BEST2: variants seen among roughly 807,000 people sequenced by gnomAD.
BEST2 encodes the protein bestrophin-2a.
Under a neutral mutation model 49.0 loss-of-function variants are expected in BEST2, and 36 were observed. That is an observed-to-expected ratio of 0.73 (90% CI 0.56 to 0.97). The LOEUF is 0.97. Ranked by LOEUF, BEST2 falls within the 50% of genes least tolerant of loss-of-function variation. BEST2 has a pLI of 0.00. For missense variants in BEST2, 672 were observed against 710.0 expected, an observed-to-expected ratio of 0.95 and a Z score of 0.61; for synonymous variants, 335 against 304.4, an observed-to-expected ratio of 1.10 and a Z score of -1.05.
intron 8 of BEST2, 61 bp from the exon 9 acceptor site, chr19:12,756,080 C>G: frequency 6.2e-7 from 1 of 1,608,600 alleles, no homozygotes; most frequent in Non-Finnish European, 8.5e-7. Flanking sequence ...CGAAGGGGTC[C>G]ACCCTGTGGT....
intron 3 of BEST2, 111 bp from the exon 4 acceptor site, chr19:12,754,441 G>A (rs1439199948): frequency 4.2e-6 from 4 of 943,398 alleles, no homozygotes; most frequent in South Asian, 3.7e-5. Flanking sequence ...TGGCCAGCAC[G>A]CTCGGGTTTC....
chr19:12,758,107 G>C lies in BEST2; in HGVS notation c.*30G>C, dbSNP rs753864797. The C allele has an allele frequency of 6.2e-7, 1 of 1,607,010 alleles. No individual in the cohort carries two copies. The highest frequency in any genetic ancestry group is 8.5e-7 in the Non-Finnish European group (1 of 1,177,888). ...TTAGAGCCCAGCCCCCTAAGGACAG[G>C]GAACCAGGTCCCTGCACGGCACCCA... is the stretch of plus-strand genomic sequence containing the variant. On this transcript the variant is annotated 3_prime_UTR_variant, in exon 10 of 10. Coordinates refer to ENST00000553030, the MANE Select transcript of BEST2 (RefSeq NM_017682.3).
chr19:12,755,382 C>T lies in BEST2; in HGVS notation c.640C>T (p.Leu214=). The part of the protein sequence containing the change: ...NSALKLLLEE[L]NVFRGKCGML... The stretch of plus-strand genomic sequence containing the variant: ...CATGACCTGTATCCACCCCCAGGAG[C>T]TGAATGTTTTTCGGGGCAAATGTGG... Residue 214 remains leucine, a synonymous_variant, in exon 6 of 10, where the codon CTG becomes TTG. Transcript: ENST00000553030. This position sits in a 1 kb window ranked among gnomAD's most constrained non-coding sequence, Gnocchi z 4.4. 1 of 1,614,128 alleles carries T rather than the reference C, an allele frequency of 6.2e-7. No individual in the cohort carries two copies. Among genetic ancestry groups the T allele is most frequent in the African/African-American group, 1.3e-5 (1 of 75,014 alleles).
At chr19:12,754,463 C>A in intron 3 of BEST2, 89 bp from the exon 4 acceptor site, 1 of 1,134,228 alleles carries the variant, frequency 8.8e-7, no homozygotes, top group Non-Finnish European at 1.2e-6. Context: ...CTGATGCAGA[C>A]CTTACGTTGC....
Position 12,752,392 on chromosome 19 carries a change from G to A in BEST2, c.-51-150G>A, listed in dbSNP as rs560153538. 27 of 534,896 alleles carry A rather than the reference G, an allele frequency of 5.0e-5. No homozygotes were observed. The East Asian group carries it at 7.6e-4, about 15-fold the overall frequency. The allele number at this position is 534,896 out of a possible 1,614,324, so 33.1% of individuals were successfully genotyped here. ...AGGGGACAGCCTGAGATGAAGGTCA[G>A]GGAGGGGCACTGGGGGCTGGACTAG... On this transcript the variant is annotated intron_variant, in intron 1 of 9. Coordinates refer to ENST00000553030, the MANE Select transcript of BEST2 (RefSeq NM_017682.3).
At position 12,755,183 on chromosome 19, in the gene BEST2, C is replaced by A; in HGVS notation, c.636+152C>A. 8.7e-7 allele frequency: 1 copy of A among 1,153,084 alleles called. No homozygotes were observed. The highest frequency in any genetic ancestry group is 1.6e-5 in the South Asian group (1 of 63,986). The allele number at this position is 1,153,084 out of a possible 1,614,324, so 71.4% of individuals were successfully genotyped here. A position where few individuals can be genotyped will look rare whatever the true frequency, so the allele number is the denominator to read the frequency against. ...TACCTCCATGGGGCTGATTCCAATG[C>A]CCTTGAGGGGCAGCTCCTGGGTGCA... On this transcript the variant is annotated intron_variant, in intron 5 of 9. Transcript: ENST00000553030. The surrounding 1 kb of genome is among the most constrained non-coding windows in gnomAD (Gnocchi z 4.4).
rs1247143680 is a variant in BEST2 at position 12,757,873 on chromosome 19, G to A, written c.1326G>A (p.Ala442=). The A allele has an allele frequency of 1.3e-6, 2 of 1,549,566 alleles. No homozygotes were observed. The highest frequency in any genetic ancestry group is 1.2e-5 in the South Asian group (1 of 84,142). The change falls in exon 10 of 10, where the codon GCG becomes GCA. Residue 442 remains alanine, a synonymous_variant. Transcript: ENST00000553030. ...SCSCAVVPEG[A]APECSCGDPL... ...CATGCGCGGTTGTCCCCGAAGGCGC[G>A]GCCCCGGAGTGCAGCTGCGGGGACC...
rs1325766511 is a variant in BEST2 at position 12,757,693 on chromosome 19, G to A, written c.1146G>A (p.Leu382=). Residue 382 remains leucine, a synonymous_variant, in exon 10 of 10, where the codon TTG becomes TTA. Coordinates refer to ENST00000553030, the MANE Select transcript of BEST2 (RefSeq NM_017682.3). ...TGCAGTTCCAGCGGCTGGACGGCTTGGATGGACCGATGGGAGAGGCGCCCG... is the reference window on the plus strand; with the variant it reads ...TGCAGTTCCAGCGGCTGGACGGCTTAGATGGACCGATGGGAGAGGCGCCCG... ...EDMQFQRLDG[L]DGPMGEAPGD... is the part of the protein sequence containing the mutation. 5 of 1,546,182 alleles carry A rather than the reference G, an allele frequency of 3.2e-6. No individual in the cohort carries two copies. Among genetic ancestry groups the A allele is most frequent in the Non-Finnish European group, 8.7e-7 (1 of 1,149,318 alleles).
At chr19:12,754,108 C>T (rs1428468081) in intron 3 of BEST2, among the ~76,000 whole-genome samples, 1 of 119,684 alleles carries the variant, frequency 8.4e-6, no homozygotes, top group Non-Finnish European at 1.6e-5. Context: ...TGGAGTCTCG[C>T]TCTGTTGCCC....
Position 12,752,563 on chromosome 19 carries a change from C to T in BEST2, c.-30C>T, listed in dbSNP as rs746361362. 2.6e-5 allele frequency: 42 copies of T among 1,607,342 alleles called. No individual in the cohort carries two copies. In the Admixed American group the frequency reaches 4.2e-4, roughly 16 times the overall value. Reference sequence around the variant, plus strand: ...GCAGCCCCCACCCGGGCCACCCACTCTCCCTTGGCCACACCTGCCGGGTGC... The same window carrying T: ...GCAGCCCCCACCCGGGCCACCCACTTTCCCTTGGCCACACCTGCCGGGTGC... On this transcript the variant is annotated 5_prime_UTR_variant, in exon 2 of 10. Transcript: ENST00000553030.
At position 12,755,838 on chromosome 19, in the gene BEST2, G is replaced by C. The variant is rs751392789; in HGVS notation, c.868-17G>C. On this transcript the variant is annotated splice_polypyrimidine_tract_variant and intron_variant, in intron 7 of 9. Transcript: ENST00000553030. The surrounding 1 kb of genome is among the most constrained non-coding windows in gnomAD (Gnocchi z 4.4). ...GGGGTTCCCAAGTTTCCACCTAACT[G>C]CTCCCTCTCCTCTCAGGTAGCTGAG... 3 of 1,613,926 alleles carry C rather than the reference G, an allele frequency of 1.9e-6. No homozygotes were observed. The highest frequency in any genetic ancestry group is 3.3e-5 in the Admixed American group (2 of 59,990).
Position 12,758,107 on chromosome 19 carries a change from G to A in BEST2, c.*30G>A, listed in dbSNP as rs753864797. On this transcript the variant is annotated 3_prime_UTR_variant, in exon 10 of 10. Transcript: ENST00000553030. ...TTAGAGCCCAGCCCCCTAAGGACAG[G>A]GAACCAGGTCCCTGCACGGCACCCA... 2 of 1,607,128 alleles carry A rather than the reference G, an allele frequency of 1.2e-6. No individual in the cohort carries two copies.
chr19:12,756,664 T>C (rs547678329), intron 9 of BEST2: 19 of 236,554 alleles, frequency 8.0e-5, no homozygotes, highest in Non-Finnish European at 1.3e-4. Context: ...CTGGGCAACA[T>C]AGTGAGACCC....
In BEST2 at chr19:12,755,755, C is replaced by G. The variant is rs200165904; in HGVS notation, c.855C>G (p.Ala285=). 1 of 1,613,972 alleles carries G rather than the reference C, an allele frequency of 6.2e-7. No individual in the cohort carries two copies. The highest frequency in any genetic ancestry group is 8.5e-7 in the Non-Finnish European group (1 of 1,179,984). The change falls in exon 7 of 10, where the codon GCC becomes GCG. Residue 285 remains alanine, a synonymous_variant. Coordinates refer to ENST00000553030, the MANE Select transcript of BEST2 (RefSeq NM_017682.3). The surrounding 1 kb of genome is among the most constrained non-coding windows in gnomAD (Gnocchi z 4.4). ...IFTLLQFFFY[A]GWLKVAEQLI... ...CCCTCTTGCAGTTCTTCTTCTACGC[C>G]GGCTGGCTCAAGGTAGGTGGGTGAT...
Position 12,755,087 on chromosome 19 carries a change from A to C in BEST2, c.636+56A>C. On this transcript the variant is annotated intron_variant, in intron 5 of 9. Transcript: ENST00000553030. The surrounding 1 kb of genome is among the most constrained non-coding windows in gnomAD (Gnocchi z 4.4). ...AATACCAGGGAAATTGTACCCCTGG[A>C]GCTGTGTCAACGGCGGCCCTCCAAG... The C allele has an allele frequency of 6.5e-7, 1 of 1,541,168 alleles. No individual in the cohort carries two copies. Among genetic ancestry groups the C allele is most frequent in the Non-Finnish European group, 8.7e-7 (1 of 1,147,632 alleles).
At position 12,755,591 on chromosome 19, in the gene BEST2, T is replaced by C. The variant is rs778681949; in HGVS notation, c.715-24T>C. ...TAGCCTTGGACCCCAATGACCCCCC[T>C]GAGCCCTGCCCCGCCCTGCCCAGGT... On this transcript the variant is annotated intron_variant, in intron 6 of 9. Coordinates refer to ENST00000553030, the MANE Select transcript of BEST2 (RefSeq NM_017682.3). This position sits in a 1 kb window ranked among gnomAD's most constrained non-coding sequence, Gnocchi z 4.4. 1.2e-6 allele frequency: 2 copies of C among 1,610,596 alleles called. No individual in the cohort carries two copies. The highest frequency in any genetic ancestry group is 4.5e-5 in the East Asian group (2 of 44,798).
At chr19:12,757,000 G>A (rs909704989) in intron 9 of BEST2, among the ~76,000 whole-genome samples, 7 of 151,300 alleles carry the variant, frequency 4.6e-5, no homozygotes, top group African/African-American at 9.7e-5. Flanking sequence ...AAAATTAGCC[G>A]GGCTTGGTGG....
chr19:12,757,862 C>T lies in BEST2; in HGVS notation c.1315C>T (p.Pro439Ser), dbSNP rs971251659. The change falls in exon 10 of 10, where the codon CCC (proline) becomes TCC (serine). Residue 439 changes from proline to serine, a missense_variant. Pro to Ser is a moderately conservative substitution (Grantham distance 74, BLOSUM62 -1). Around this residue, in one of 3 missense-constraint regions of BEST2, gnomAD observed 291 missense variants for 279.8 expected, o/e 1.04. Transcript: ENST00000553030. ...TGASCSCAVV[P>S]EGAAPECSCG... ...GGCCAGCTGCTCATGCGCGGTTGTC[C>T]CCGAAGGCGCGGCCCCGGAGTGCAG... The T allele has an allele frequency of 2.6e-6, 4 of 1,549,254 alleles. No homozygotes were observed. Among genetic ancestry groups the T allele is most frequent in the Non-Finnish European group, 3.5e-6 (4 of 1,146,908 alleles).
intron 3 of BEST2, among the ~76,000 whole-genome samples, chr19:12,754,149 C>T: frequency 7.2e-6 from 1 of 139,678 alleles, no homozygotes. Flanking sequence ...GATCTCAGCT[C>T]ACTGCAACCT....
Sources: allele counts gnomAD v4.1 joint callset (sites outside exome capture counted in the v4.1 genomes callset), GRCh38; gene constraint gnomAD v4.1.1; regional missense constraint gnomAD v4.1.1; non-coding constraint Gnocchi (gnomAD v3.1); transcripts MANE v1.5; gene names NCBI Gene and HGNC (gene_info 2026-07-23, HGNC 2026-07-21).